MAGEE2: variants seen among roughly 807,000 people sequenced by gnomAD.
MAGEE2 encodes MAGE family member E2.
For missense variants in MAGEE2, 508 were observed against 391.1 expected (o/e 1.30, Z -2.52); for synonymous variants, 189 against 155.4 (o/e 1.22, Z -1.61).
At position 75,784,981 on chromosome X, in the gene MAGEE2, C is replaced by T. The variant is rs766503730; in HGVS notation, c.71G>A (p.Gly24Asp). Reference protein sequence around the residue: ...EITADYGDGRGEIQATNASGS... With the variant: ...EITADYGDGRDEIQATNASGS... ...GGAGGCGTTAGTAGCTTGTATTTCA[C>T]CTCTGCCGTCGCCGTAATCTGCAGT... Residue 24 changes from glycine to aspartate, a missense_variant, in exon 1 of 1, where the codon GGT becomes GAT. Coordinates refer to ENST00000373359, the MANE Select transcript of MAGEE2 (RefSeq NM_138703.5). 6.1e-6 allele frequency: 7 copies of T among 1,144,350 alleles called. No individual in the cohort carries two copies. In the South Asian group the frequency reaches 1.5e-4, roughly 24 times the overall value. 94.3% of individuals were successfully genotyped at this position (1,144,350 alleles called of 1,213,427 possible).
Position 75,783,635 on chromosome X carries a change from G to A in MAGEE2, c.1417C>T (p.His473Tyr). 1 of 1,211,440 alleles carries A rather than the reference G, an allele frequency of 8.3e-7. No individual in the cohort carries two copies. The highest frequency in any genetic ancestry group is 3.0e-5 in the East Asian group (1 of 33,825). ...YELLWGPRAH[H>Y]ETIKMKVLEY... ...AAGACTTTCATTTTGATGGTTTCAT[G>A]GTGAGCTCGAGGACCCCATAGAAGC... Residue 473 changes from histidine (H) to tyrosine (Y), a missense_variant, in exon 1 of 1, where the codon CAT becomes TAT. Transcript: ENST00000373359.
Position 75,784,557 on chromosome X carries a change from G to T in MAGEE2, c.495C>A (p.Thr165=). ...NLVSKRGFQI[T]DRIAESLDMP... ...TGTCCAGGGACTCCGCTATCCTATC[G>T]GTGATCTGGAAACCCCGTTTGCTGA... Residue 165 remains threonine (T), a synonymous_variant, in exon 1 of 1, where the codon ACC becomes ACA. Transcript: ENST00000373359. The T allele has an allele frequency of 8.3e-7, 1 of 1,210,726 alleles. No homozygotes were observed.
Position 75,783,516 on chromosome X carries a change from A to C in MAGEE2, c.1536T>G (p.Ser512=). Residue 512 remains serine, a synonymous_variant, in exon 1 of 1, where the codon TCT becomes TCG. Transcript: ENST00000373359. The part of the protein sequence containing the change: ...AVEDEEARAK[S]EATIMFFLDP... ...CAAGGAAAAACATGATAGTTGCCTC[A>C]GATTTGGCTCTGGCCTCCTCATCTT... 1.7e-6 allele frequency: 2 copies of C among 1,208,928 alleles called. No individual in the cohort carries two copies. Among genetic ancestry groups the C allele is most frequent in the Non-Finnish European group, 2.2e-6 (2 of 893,594 alleles).
In MAGEE2 at chrX:75,784,600, G is replaced by T; in HGVS notation, c.452C>A (p.Ala151Asp). The change falls in exon 1 of 1, where the codon GCT (alanine) becomes GAT (aspartate). Residue 151 changes from alanine to aspartate, a missense_variant. Transcript: ENST00000373359. ...GLNLRVIDPQ[A>D]DTYNLVSKRG... is the part of the protein sequence containing the mutation. ...TTTGCTGACTAAATTGTAGGTGTCA[G>T]CCTGAGGATCAATAACTCTCAGGTT... 2 of 1,210,070 alleles carry T rather than the reference G, an allele frequency of 1.7e-6. No homozygotes were observed. Among genetic ancestry groups the T allele is most frequent in the Non-Finnish European group, 1.1e-6 (1 of 894,606 alleles).
rs138640909 is a variant in MAGEE2, at chrX:75,783,594, C to T, written c.1458G>A (p.Arg486=). The change falls in exon 1 of 1, where the codon AGG becomes AGA. Residue 486 remains arginine (R), a synonymous_variant. Transcript: ENST00000373359. ...IKMKVLEYMA[R]LYRKRPQNWP... ...AGTTCTGTGGTCGCTTTCTGTAGAG[C>T]CTGGCCATGTACTCCAAGACTTTCA... The T allele has an allele frequency of 3.0e-3, 3,650 of 1,209,732 alleles. 14 individuals carry two copies. The highest frequency in any genetic ancestry group is 0.011 in the Middle Eastern group (48 of 4,350).
chrX:75,784,654 G>T lies in MAGEE2; in HGVS notation c.398C>A (p.Ser133Ter). The T allele has an allele frequency of 8.3e-7, 1 of 1,211,343 alleles. No homozygotes were observed. The highest frequency in any genetic ancestry group is 1.1e-6 in the Non-Finnish European group (1 of 895,251). Residue 133 changes from serine (S) to a stop codon, truncating the protein, a stop_gained, in exon 1 of 1, where the codon TCA becomes TAA. Transcript: ENST00000373359. LOFTEE classifies it low-confidence loss of function (END_TRUNC). The stretch of plus-strand genomic sequence containing the variant: ...CCCAAAGACCTGGTCCAGGTGAGCT[G>T]AGGCTCGTCTGAGGATCTCAGGGAA... ...DQFPEILRRA[S>*]AHLDQVFGLN... is the part of the protein sequence containing the mutation.
chrX:75,783,366 T>C lies in MAGEE2; in HGVS notation c.*114A>G. 2 of 875,439 alleles carry C rather than the reference T, an allele frequency of 2.3e-6. No homozygotes were observed. The highest frequency in any genetic ancestry group is 3.1e-6 in the Non-Finnish European group (2 of 642,142). The allele number at this position is 875,439 out of a possible 1,213,427, so 72.1% of individuals were successfully genotyped here. ...TTGGAACACAGACAGCAAGCACAAT[T>C]TGTACTTCCCACACAAGCCCTACCT... On this transcript the variant is annotated 3_prime_UTR_variant, in exon 1 of 1. Transcript: ENST00000373359.
chrX:75,784,089 C>G lies in MAGEE2; in HGVS notation c.963G>C (p.Leu321Phe). 3 of 1,210,912 alleles carry G rather than the reference C, an allele frequency of 2.5e-6. No homozygotes were observed. Among genetic ancestry groups the G allele is most frequent in the Non-Finnish European group, 3.3e-6 (3 of 895,601 alleles). ...GCATCTCCTCAGTGACACTAATAGC[C>G]AACTGGACCAAATCATTTGCCTTAT... ...MNDKANDLVQ[L>F]AISVTEEMLP... The change falls in exon 1 of 1, where the codon TTG (leucine) becomes TTC (phenylalanine). Residue 321 changes from leucine (L) to phenylalanine (F), a missense_variant. Physicochemically the swap from Leu to Phe is conservative, Grantham distance 22. Coordinates refer to ENST00000373359, the MANE Select transcript of MAGEE2 (RefSeq NM_138703.5).
Position 75,784,593 on chromosome X carries a change from G to C in MAGEE2, c.459C>G (p.Thr153=), listed in dbSNP as rs1419277106. ...AACCCCGTTTGCTGACTAAATTGTAGGTGTCAGCCTGAGGATCAATAACTC... is the reference window on the plus strand; with the variant it reads ...AACCCCGTTTGCTGACTAAATTGTACGTGTCAGCCTGAGGATCAATAACTC... The part of the protein sequence containing the change: ...NLRVIDPQAD[T]YNLVSKRGFQ... Residue 153 remains threonine, a synonymous_variant, in exon 1 of 1, where the codon ACC becomes ACG. Transcript: ENST00000373359. 2.5e-6 allele frequency: 3 copies of C among 1,208,130 alleles called. No homozygotes were observed. The African/African-American group carries it at 5.3e-5, about 21-fold the overall frequency.
rs1219253692 is a variant in MAGEE2, at chrX:75,784,703, A to T, written c.349T>A (p.Phe117Ile). 8.3e-7 allele frequency: 1 copy of T among 1,210,703 alleles called. No homozygotes were observed. Among genetic ancestry groups the T allele is most frequent in the African/African-American group, 1.7e-5 (1 of 57,473 alleles). Residue 117 changes from phenylalanine (F) to isoleucine (I), a missense_variant, in exon 1 of 1, where the codon TTT becomes ATT. By Grantham distance (21) the Phe-to-Ile change is conservative (BLOSUM62 0). Coordinates refer to ENST00000373359, the MANE Select transcript of MAGEE2 (RefSeq NM_138703.5). ...AACTGATCTGAGTACTCTCTGAGAA[A>T]CTCCAGCATCTCGGACTGCTGGATA... is the stretch of plus-strand genomic sequence containing the variant. ...GSIQQSEMLE[F>I]LREYSDQFPE... is the part of the protein sequence containing the mutation.
Position 75,784,561 on chromosome X carries a change from A to G in MAGEE2, c.491T>C (p.Ile164Thr), listed in dbSNP as rs1337994057. 2 of 1,208,936 alleles carry G rather than the reference A, an allele frequency of 1.7e-6. No individual in the cohort carries two copies. The highest frequency in any genetic ancestry group is 1.8e-5 in the South Asian group (1 of 56,635). The stretch of plus-strand genomic sequence containing the variant: ...CAGGGACTCCGCTATCCTATCGGTG[A>G]TCTGGAAACCCCGTTTGCTGACTAA... Reference protein sequence around the residue: ...YNLVSKRGFQITDRIAESLDM... With the variant: ...YNLVSKRGFQTTDRIAESLDM... Residue 164 changes from isoleucine to threonine, a missense_variant, in exon 1 of 1, where the codon ATC (isoleucine) becomes ACC (threonine). Ile to Thr is a moderately conservative substitution (Grantham distance 89). Coordinates refer to ENST00000373359, the MANE Select transcript of MAGEE2 (RefSeq NM_138703.5).
chrX:75,783,261 C>T lies in MAGEE2; in HGVS notation c.*219G>A. ...TTATGCTGAAACAAGACCGGGATGGCAAATGAAAAATTCCATTTATAAATA... is the reference window on the plus strand; with the variant it reads ...TTATGCTGAAACAAGACCGGGATGGTAAATGAAAAATTCCATTTATAAATA... On this transcript the variant is annotated 3_prime_UTR_variant, in exon 1 of 1. Coordinates refer to ENST00000373359, the MANE Select transcript of MAGEE2 (RefSeq NM_138703.5). 2 of 376,897 alleles carry T rather than the reference C, an allele frequency of 5.3e-6. No homozygotes were observed. Among genetic ancestry groups the T allele is most frequent in the Non-Finnish European group, 4.5e-6 (1 of 224,561 alleles). The allele number at this position is 376,897 out of a possible 1,213,427, so 31.1% of individuals were successfully genotyped here. A position where few individuals can be genotyped will look rare whatever the true frequency, so the allele number is the denominator to read the frequency against.
At position 75,784,216 on chromosome X, in the gene MAGEE2, C is replaced by T. The variant is rs756674679; in HGVS notation, c.836G>A (p.Trp279Ter). The T allele has an allele frequency of 1.7e-6, 2 of 1,211,640 alleles. No individual in the cohort carries two copies. The highest frequency in any genetic ancestry group is 1.8e-5 in the South Asian group (1 of 56,921). The change falls in exon 1 of 1, where the codon TGG becomes TAG. Residue 279 changes from tryptophan to a stop codon, truncating the protein, a stop_gained. Coordinates refer to ENST00000373359, the MANE Select transcript of MAGEE2 (RefSeq NM_138703.5). LOFTEE classifies it low-confidence loss of function (END_TRUNC). ...FVSDAHDEEP[W>*]SWPEEYNKAL... Reference sequence around the variant, plus strand: ...CTTATTATATTCTTCTGGCCAGCTCCAGGGTTCTTCATCATGGGCATCTGA... The same window carrying T: ...CTTATTATATTCTTCTGGCCAGCTCTAGGGTTCTTCATCATGGGCATCTGA...
chrX:75,783,841 A>G lies in MAGEE2; in HGVS notation c.1211T>C (p.Val404Ala). ...ESLGRPTQEY[V>A]MPILGLIFLM... Reference sequence around the variant, plus strand: ...GAAGATCAAACCTAGGATTGGCATTACATATTCTTGAGTGGGTCTCCCCAG... The same window carrying G: ...GAAGATCAAACCTAGGATTGGCATTGCATATTCTTGAGTGGGTCTCCCCAG... Residue 404 changes from valine (V) to alanine (A), a missense_variant, in exon 1 of 1, where the codon GTA (valine) becomes GCA (alanine). Transcript: ENST00000373359. The G allele has an allele frequency of 8.3e-7, 1 of 1,211,816 alleles. No individual in the cohort carries two copies. The highest frequency in any genetic ancestry group is 1.1e-6 in the Non-Finnish European group (1 of 895,558).
chrX:75,783,876 C>A lies in MAGEE2; in HGVS notation c.1176G>T (p.Met392Ile). Residue 392 changes from methionine (M) to isoleucine (I), a missense_variant, in exon 1 of 1, where the codon ATG (methionine) becomes ATT (isoleucine). By Grantham distance (10) the Met-to-Ile change is conservative (BLOSUM62 1). Transcript: ENST00000373359. ...QQPESEEEQVMLESLGRPTQE... is the reference protein window; with the variant it reads ...QQPESEEEQVILESLGRPTQE... ...GAGTGGGTCTCCCCAGGCTCTCTAGCATCACTTGCTCTTCCTCTGATTCTG... is the reference window on the plus strand; with the variant it reads ...GAGTGGGTCTCCCCAGGCTCTCTAGAATCACTTGCTCTTCCTCTGATTCTG... 7 of 1,212,039 alleles carry A rather than the reference C, an allele frequency of 5.8e-6. No homozygotes were observed. Among genetic ancestry groups the A allele is most frequent in the Non-Finnish European group, 7.8e-6 (7 of 895,592 alleles).
At position 75,785,062 on chromosome X, in the gene MAGEE2, G is replaced by A; in HGVS notation, c.-11C>T. On this transcript the variant is annotated 5_prime_UTR_variant, in exon 1 of 1. Transcript: ENST00000373359. ...GCTTACCAGAGACATGGTTCCAGGA[G>A]ACAGGAGCGGGAACGGTGAGATCAG... is the stretch of plus-strand genomic sequence containing the variant. The A allele has an allele frequency of 2.7e-6, 3 of 1,121,174 alleles. No individual in the cohort carries two copies. Among genetic ancestry groups the A allele is most frequent in the South Asian group, 2.5e-5 (1 of 39,557 alleles). The allele number at this position is 1,121,174 out of a possible 1,213,427, so 92.4% of individuals were successfully genotyped here.
Position 75,783,775 on chromosome X carries a change from A to T in MAGEE2, c.1277T>A (p.Leu426Ter), listed in dbSNP as rs1486980183. The part of the protein sequence containing the change: ...NRVKEANVWN[L>*]LRRFSVDVGR... ...TACATCCACACTAAATCTTCGAAGC[A>T]AGTTCCAGACATTGGCCTCTTTGAC... The change falls in exon 1 of 1, where the codon TTG becomes TAG. Residue 426 changes from leucine (L) to a stop codon, truncating the protein, a stop_gained. Coordinates refer to ENST00000373359, the MANE Select transcript of MAGEE2 (RefSeq NM_138703.5). LOFTEE classifies it low-confidence loss of function (END_TRUNC). 1.7e-6 allele frequency: 2 copies of T among 1,210,078 alleles called. No homozygotes were observed. The highest frequency in any genetic ancestry group is 2.2e-5 in the Admixed American group (1 of 45,786).
In MAGEE2 at chrX:75,784,802, C is replaced by T. The variant is rs763925188; in HGVS notation, c.250G>A (p.Val84Ile). The T allele has an allele frequency of 1.1e-5, 13 of 1,209,640 alleles. No individual in the cohort carries two copies. In the South Asian group the frequency reaches 1.9e-4, roughly 18 times the overall value. ...EQSRRLGALR[V>I]HDPLEDRSIA... ...GACCTGTCTTCTAGAGGGTCATGGA[C>T]CCTGAGCGCCCCCAAACGTCTGGAC... The change falls in exon 1 of 1, where the codon GTC (valine) becomes ATC (isoleucine). Residue 84 changes from valine to isoleucine, a missense_variant. Physicochemically the swap from Val to Ile is conservative, Grantham distance 29 (BLOSUM62 3). Coordinates refer to ENST00000373359, the MANE Select transcript of MAGEE2 (RefSeq NM_138703.5).
In MAGEE2 at chrX:75,783,425, C is replaced by T. The variant is rs1315423451; in HGVS notation, c.*55G>A. On this transcript the variant is annotated 3_prime_UTR_variant, in exon 1 of 1. Transcript: ENST00000373359. Reference sequence around the variant, plus strand: ...ATTTAGAGCCCCAATGCCTATTTTACCAAGGCATCTTTAACTTATGCCACT... The same window carrying T: ...ATTTAGAGCCCCAATGCCTATTTTATCAAGGCATCTTTAACTTATGCCACT... 41 of 1,134,677 alleles carry T rather than the reference C, an allele frequency of 3.6e-5. No homozygotes were observed. The highest frequency in any genetic ancestry group is 8.3e-5 in the Admixed American group (3 of 36,309). The allele number at this position is 1,134,677 out of a possible 1,213,427, so 93.5% of individuals were successfully genotyped here.
Sources: gnomAD v4.1 joint callset for allele counts on GRCh38, gnomAD v4.1.1 for gene constraint, MANE v1.5 for transcripts, NCBI Gene and HGNC (gene_info 2026-07-23, HGNC 2026-07-21) for gene names.